ZNF503: variants seen among roughly 807,000 people sequenced by gnomAD.
The protein encoded by ZNF503 is zinc finger protein 503.
A neutral mutation model predicts 34.4 loss-of-function variants in ZNF503; 15 were observed. The observed-to-expected ratio is 0.44, with a 90% CI of 0.29 to 0.67. The LOEUF (loss-of-function observed/expected upper bound fraction) is 0.67, where lower values mean the gene tolerates loss of function less well. Among genes scored for constraint, ZNF503 ranks in the 30% least tolerant of loss-of-function variants. The pLI is 0.13. For synonymous variants in ZNF503, 580 were observed against 456.8 expected (o/e 1.27, Z -3.44); for missense variants, 1,007 against 926.8 (o/e 1.09, Z -1.12).
At chr10:75,388,032 T>C in the ZNF503 span, among the ~76,000 whole-genome samples, 1 of 152,128 alleles carries the variant, frequency 6.6e-6, no homozygotes, top group Non-Finnish European at 1.5e-5. Context: ...GGAGAGGTAC[T>C]GAGGGCAGTT....
At chr10:75,394,182 C>CAGG (rs1464336489), downstream of ZNF503, among the ~76,000 whole-genome samples, 7 of 152,350 alleles carry the variant, frequency 4.6e-5, no homozygotes, top group African/African-American at 1.4e-4. Context: ...GGTACAAGTG[C>CAGG]AGGTTTGTTA....
the ZNF503 span, among the ~76,000 whole-genome samples, chr10:75,320,020 A>T: frequency 6.6e-6 from 1 of 152,240 alleles, no homozygotes; most frequent in Non-Finnish European, 1.5e-5. Context: ...AAATAACATT[A>T]ATTCTAAACA....
At position 75,399,870 on chromosome 10, in the gene ZNF503, C is replaced by G. The variant is rs1843760622; in HGVS notation, c.820G>C (p.Gly274Arg). Reference sequence around the variant, plus strand: ...CCGTGTGCCAGCCCCGTGGGTCCCCCTTCGGCCGAGGCGCCCCCGGTGCCC... The same window carrying G: ...CCGTGTGCCAGCCCCGTGGGTCCCCGTTCGGCCGAGGCGCCCCCGGTGCCC... ...GKGTGGASAEGGPTGLAHGRI... is the reference protein window; with the variant it reads ...GKGTGGASAERGPTGLAHGRI... Residue 274 changes from glycine (G) to arginine (R), a missense_variant, in exon 2 of 2, where the codon GGG becomes CGG. Physicochemically the swap from Gly to Arg is moderately radical, Grantham distance 125. Coordinates refer to ENST00000372524, the MANE Select transcript of ZNF503 (RefSeq NM_032772.6). The G allele has an allele frequency of 1.9e-6, 3 of 1,600,634 alleles. No homozygotes were observed. The highest frequency in any genetic ancestry group is 2.6e-6 in the Non-Finnish European group (3 of 1,175,180).
chr10:75,383,220 C>G, the ZNF503 span, among the ~76,000 whole-genome samples: 2 of 152,288 alleles, frequency 1.3e-5, no homozygotes, highest in Admixed American at 1.3e-4. Context: ...CTTCCCCATC[C>G]CAGCACACAC....
At chr10:75,286,370 C>G in the ZNF503 span, among the ~76,000 whole-genome samples, 1 of 151,988 alleles carries the variant, frequency 6.6e-6, no homozygotes, top group Non-Finnish European at 1.5e-5. Flanking sequence ...GGCAGTTCCA[C>G]TACATGATTA....
chr10:75,345,361 C>T, the ZNF503 span, among the ~76,000 whole-genome samples: 2,154 of 152,012 alleles, frequency 0.014, 54 homozygotes, highest in African/African-American at 0.049. Flanking sequence ...AGAAAGGACC[C>T]CACGGTGGCT....
the ZNF503 span, among the ~76,000 whole-genome samples, chr10:75,355,564 C>T: frequency 6.6e-6 from 1 of 152,150 alleles, no homozygotes; most frequent in African/African-American, 2.4e-5. Context: ...CCCATCTAGC[C>T]ATCAACATCT....
downstream of ZNF503, among the ~76,000 whole-genome samples, chr10:75,395,721 A>G (rs927423309): frequency 1.3e-5 from 2 of 152,170 alleles, no homozygotes; most frequent in African/African-American, 4.8e-5. The surrounding 1 kb of genome is among the most constrained non-coding windows in gnomAD (Gnocchi z 4.4). Flanking sequence ...ACGTCGGGGA[A>G]TCCTTTCTGT....
chr10:75,365,711 T>C, the ZNF503 span, among the ~76,000 whole-genome samples: 2 of 152,216 alleles, frequency 1.3e-5, no homozygotes, highest in African/African-American at 4.8e-5. Flanking sequence ...GGAATGGGGT[T>C]GGTAATATTA....
At chr10:75,347,480 A>C in the ZNF503 span, among the ~76,000 whole-genome samples, 17 of 152,200 alleles carry the variant, frequency 1.1e-4, no homozygotes, top group African/African-American at 4.1e-4. Flanking sequence ...CATGGCTCTG[A>C]GGGGTGGCAT....
the ZNF503 span, among the ~76,000 whole-genome samples, chr10:75,293,415 C>T: frequency 5.9e-5 from 9 of 152,128 alleles, no homozygotes; most frequent in African/African-American, 1.7e-4. Context: ...AGGGACATGA[C>T]CCTGTGCCAT....
At chr10:75,316,693 T>A in the ZNF503 span, among the ~76,000 whole-genome samples, 1 of 152,104 alleles carries the variant, frequency 6.6e-6, no homozygotes, top group Non-Finnish European at 1.5e-5. Context: ...TTTAAGAAGA[T>A]AGGAATCATA....
At chr10:75,304,375 G>C in the ZNF503 span, among the ~76,000 whole-genome samples, 2,414 of 151,830 alleles carry the variant, frequency 0.016, 29 homozygotes, top group Middle Eastern at 0.027. Flanking sequence ...CTCTCATTTA[G>C]TAAACTTGGT....
chr10:75,400,072 C>G lies in ZNF503; in HGVS notation c.618G>C (p.Ser206=). The change falls in exon 2 of 2, where the codon TCG becomes TCC. Residue 206 remains serine (S), a synonymous_variant. Transcript: ENST00000372524. ...GGGGGGGGGV[S]SEKSGFRVPS... The stretch of plus-strand genomic sequence containing the variant: ...GTACCCGGAATCCCGACTTCTCCGA[C>G]GAAACACCCCCGCCGCCGCCCCCGC... 1.3e-6 allele frequency: 2 copies of G among 1,559,956 alleles called. No individual in the cohort carries two copies. The highest frequency in any genetic ancestry group is 1.4e-5 in the African/African-American group (1 of 73,726).
At chr10:75,303,156 A>C in the ZNF503 span, among the ~76,000 whole-genome samples, 1 of 152,204 alleles carries the variant, frequency 6.6e-6, no homozygotes, top group African/African-American at 2.4e-5. Flanking sequence ...CAAATTTCCA[A>C]TAGAAAGAAT....
At chr10:75,379,835 A>C in the ZNF503 span, among the ~76,000 whole-genome samples, 35 of 152,344 alleles carry the variant, frequency 2.3e-4, no homozygotes, top group African/African-American at 7.2e-4. Context: ...GCGTGGACGC[A>C]AATTTCATTT....
the ZNF503 span, among the ~76,000 whole-genome samples, chr10:75,350,067 A>G: frequency 6.6e-6 from 1 of 152,110 alleles, no homozygotes; most frequent in African/African-American, 2.4e-5. Flanking sequence ...ATAATCACGT[A>G]TTTCTCTTTC....
At chr10:75,328,746 C>CTTT in the ZNF503 span, among the ~76,000 whole-genome samples, 1,531 of 130,730 alleles carry the variant, frequency 0.012, 51 homozygotes, top group African/African-American at 0.022. Flanking sequence ...AATGTCTTTT[C>CTTT]TTTTTTTTTT....
the ZNF503 span, among the ~76,000 whole-genome samples, chr10:75,362,237 T>C: frequency 1.3e-5 from 2 of 151,614 alleles, no homozygotes; most frequent in African/African-American, 2.4e-5. Context: ...AGTAGCTTAT[T>C]GGTATGCAGC....
Sources: gnomAD v4.1 joint callset for allele counts (sites outside exome capture counted in the v4.1 genomes callset) on GRCh38, gnomAD v4.1.1 for gene constraint, Gnocchi (gnomAD v3.1) non-coding constraint, MANE v1.5 for transcripts, NCBI Gene and HGNC (gene_info 2026-07-23, HGNC 2026-07-21) for gene names.